STX3: variants seen among roughly 807,000 people sequenced by gnomAD.
The protein encoded by STX3 is syntaxin 3, also known as syntaxin-3.
STX3 carries 19 observed loss-of-function variants against 40.2 expected under a neutral mutation model. That is an observed-to-expected ratio of 0.47 (90% CI 0.33 to 0.69). STX3 has a LOEUF of 0.69. STX3 is among the 30% of genes least tolerant of loss of function. The pLI, the probability that STX3 is intolerant of heterozygous loss-of-function variation, is 0.02. For synonymous variants in STX3, 122 were observed against 132.2 expected (o/e 0.92, Z 0.53); for missense variants, 364 against 366.7 (o/e 0.99, Z 0.06).
In STX3 at chr11:59,805,182, A is replaced by C. The variant is rs1476987416; in HGVS notation, c.*4358A>C. On this transcript the variant is annotated 3_prime_UTR_variant, in exon 11 of 11. Coordinates refer to ENST00000337979, the MANE Select transcript of STX3 (RefSeq NM_004177.5). Reference sequence around the variant, plus strand: ...ACAAGAGCTAAATTCCATCTAAAAAAAAAAAAAAAACAAAAAAAAAAAACT... The same window carrying C: ...ACAAGAGCTAAATTCCATCTAAAAACAAAAAAAAAACAAAAAAAAAAAACT... 6.7e-6 allele frequency: 1 copy of C among 149,902 alleles called. No individual in the cohort carries two copies. The highest frequency in any genetic ancestry group is 1.5e-5 in the Non-Finnish European group (1 of 67,968). 9.3% of individuals were successfully genotyped at this position (149,902 alleles called of 1,614,324 possible).
At chr11:59,783,459 A>G (rs1287945135) in intron 2 of STX3, among the ~76,000 whole-genome samples, 7 of 152,230 alleles carry the variant, frequency 4.6e-5, no homozygotes, top group Non-Finnish European at 7.3e-5. Flanking sequence ...TGGTAGCCTC[A>G]TAGAAGTATT....
chr11:59,791,371 T>G (rs1231073872), intron 5 of STX3, among the ~76,000 whole-genome samples: 7 of 152,142 alleles, frequency 4.6e-5, no homozygotes, highest in Non-Finnish European at 1.0e-4. Context: ...GTCTGGGGAA[T>G]TTGGATCTGA....
At chr11:59,779,340 A>G (rs1864201065) in intron 2 of STX3, among the ~76,000 whole-genome samples, 1 of 152,178 alleles carries the variant, frequency 6.6e-6, no homozygotes, top group South Asian at 2.1e-4. Flanking sequence ...GTATCCTTAC[A>G]GGGTGGAAAG....
At chr11:59,799,485 GT>G (rs1369869203) in intron 10 of STX3, among the ~76,000 whole-genome samples, 1 of 152,044 alleles carries the variant, frequency 6.6e-6, no homozygotes, top group Non-Finnish European at 1.5e-5. Context: ...AATGTTGGAG[GT>G]TTATGTTATT....
intron 8 of STX3, among the ~76,000 whole-genome samples, chr11:59,794,180 T>C (rs543750350): frequency 6.6e-6 from 1 of 152,282 alleles, no homozygotes; most frequent in African/African-American, 2.4e-5. Flanking sequence ...AAAATAGCAT[T>C]GACAGAAAGA....
rs1862701551 is a variant in STX3 at position 59,756,099 on chromosome 11, C to T, written c.30+464C>T. Among the ~76,000 whole-genome samples the T allele has an allele frequency of 4.6e-5, 7 of 152,174 alleles. No homozygotes were observed. In the South Asian group the frequency reaches 1.2e-3, roughly 27 times the overall value. On this transcript the variant is annotated intron_variant, in intron 1 of 10. Transcript: ENST00000337979. ...GACCTCTGGAGCTGTGAGCCGGTCA[C>T]ATGCTGGGATGGGTCAGCTCCTCTC...
rs1266179461 is a variant in STX3, at chr11:59,768,273, G to C, written c.31-4938G>C. On this transcript the variant is annotated intron_variant, in intron 1 of 10. Coordinates refer to ENST00000337979, the MANE Select transcript of STX3 (RefSeq NM_004177.5). ...AGTTGATATCAACTTCAACTTTCTA[G>C]GTGCCCAGCCTTGTGTCAGGTGCCC... Among the ~76,000 whole-genome samples the C allele has an allele frequency of 4.6e-5, 7 of 152,088 alleles. No individual in the cohort carries two copies. In the East Asian group the frequency reaches 1.3e-3, roughly 29 times the overall value.
chr11:59,755,775 G>A (rs1862678739), intron 1 of STX3, 140 bp downstream of exon 1: 1 of 1,173,442 alleles, frequency 8.5e-7, no homozygotes, highest in Non-Finnish European at 1.1e-6. Flanking sequence ...TTCCCGCGCC[G>A]GTTCCGCACC....
chr11:59,757,747 C>CACTTA (rs60907559), intron 1 of STX3, among the ~76,000 whole-genome samples: 16,626 of 152,154 alleles, frequency 0.11, 1,248 homozygotes, highest in African/African-American at 0.2. Context: ...TTCTTTGCGT[C>CACTTA]ACTTCTCTGC....
chr11:59,800,663 T>C lies in STX3; in HGVS notation c.*31-192T>C, dbSNP rs896740814. 3.0e-6 allele frequency: 3 copies of C among 985,282 alleles called. No homozygotes were observed. The African/African-American group carries it at 5.2e-5, about 17-fold the overall frequency. The allele number at this position is 985,282 out of a possible 1,614,324, so 61.0% of individuals were successfully genotyped here. A position where few individuals can be genotyped will look rare whatever the true frequency, so the allele number is the denominator to read the frequency against. On this transcript the variant is annotated intron_variant, in intron 10 of 10. Coordinates refer to ENST00000337979, the MANE Select transcript of STX3 (RefSeq NM_004177.5). ...AGGCCTAGAGGCTTTTCTATTTTTT[T>C]CCCCTCTCACAGTAGGGCTTTTTGT...
In STX3 at chr11:59,787,124, A is replaced by G; in HGVS notation, c.202A>G (p.Ile68Val). Residue 68 changes from isoleucine to valine, a missense_variant, in exon 3 of 11, where the codon ATT (isoleucine) becomes GTT (valine). Coordinates refer to ENST00000337979, the MANE Select transcript of STX3 (RefSeq NM_004177.5). ...KLYSIILSAP[I>V]PEPKTKDDLE... is the part of the protein sequence containing the mutation. ...CTACAGTATCATTCTCTCTGCACCG[A>G]TTCCAGAGCCAAGTGAGTGTTTACT... 1 of 1,614,058 alleles carries G rather than the reference A, an allele frequency of 6.2e-7. No individual in the cohort carries two copies. Among genetic ancestry groups the G allele is most frequent in the Non-Finnish European group, 8.5e-7 (1 of 1,179,910 alleles).
intron 1 of STX3, among the ~76,000 whole-genome samples, chr11:59,763,978 A>G (rs1204496799): frequency 9.9e-5 from 15 of 152,102 alleles, no homozygotes; most frequent in Non-Finnish European, 2.1e-4. Context: ...AGATCAAGCC[A>G]TTGCACTCCA....
In STX3 at chr11:59,761,799, A is replaced by G. The variant is rs141899175; in HGVS notation, c.30+6164A>G. ...TATGTTCAGCTGTCTGGGTTAGGAC[A>G]GCTCAGTATGGCATCAGGGTTTTTT... On this transcript the variant is annotated intron_variant, in intron 1 of 10. Transcript: ENST00000337979. Among the ~76,000 whole-genome samples the G allele has an allele frequency of 1.3e-4, 20 of 151,368 alleles. No homozygotes were observed. In the East Asian group the frequency reaches 2.9e-3, roughly 22 times the overall value.
rs375795938 is a variant in STX3 at position 59,769,867 on chromosome 11, TG to T, written c.31-3336del. Among the ~76,000 whole-genome samples, 749 of 148,634 alleles carry T rather than the reference TG, an allele frequency of 5.0e-3. 3 individuals are homozygous for T. The highest frequency in any genetic ancestry group is 8.1e-3 in the Non-Finnish European group (542 of 66,962). ...GTGTGTGTGTATGTATGTGTTTGTG[TG>T]GGGGGGGAAGGTGTGTGGGTGTATG... On this transcript the variant is annotated intron_variant, in intron 1 of 10. Coordinates refer to ENST00000337979, the MANE Select transcript of STX3 (RefSeq NM_004177.5).
chr11:59,803,220 G>A lies in STX3; in HGVS notation c.*2396G>A. The A allele has an allele frequency of 8.1e-7, 1 of 1,231,696 alleles. No individual in the cohort carries two copies. The highest frequency in any genetic ancestry group is 1.0e-6 in the Non-Finnish European group (1 of 987,952). 76.3% of individuals were successfully genotyped at this position (1,231,696 alleles called of 1,614,324 possible). ...TCTTTCCTTGTCTGGATGAGCAGAAGAAGATCATGATCATGATCTGCTGTA... is the reference window on the plus strand; with the variant it reads ...TCTTTCCTTGTCTGGATGAGCAGAAAAAGATCATGATCATGATCTGCTGTA... On this transcript the variant is annotated 3_prime_UTR_variant, in exon 11 of 11. Coordinates refer to ENST00000337979, the MANE Select transcript of STX3 (RefSeq NM_004177.5).
rs1865910072 is a variant in STX3 at position 59,802,176 on chromosome 11, TC to T, written c.*1354del. ...ACACCAGAGGCTACACAGTAGCTCTTCCTGCTACTCGGTTAATGAGCTTGGC... is the reference window on the plus strand; with the variant it reads ...ACACCAGAGGCTACACAGTAGCTCTTCTGCTACTCGGTTAATGAGCTTGGC... On this transcript the variant is annotated 3_prime_UTR_variant, in exon 11 of 11. Coordinates refer to ENST00000337979, the MANE Select transcript of STX3 (RefSeq NM_004177.5). The T allele has an allele frequency of 2.0e-6, 2 of 985,320 alleles. No homozygotes were observed. Among genetic ancestry groups the T allele is most frequent in the African/African-American group, 1.7e-5 (1 of 57,232 alleles). 61.0% of individuals were successfully genotyped at this position (985,320 alleles called of 1,614,324 possible).
At chr11:59,797,548 C>G (rs17511545) in intron 10 of STX3, among the ~76,000 whole-genome samples, 152 bp downstream of exon 10, 6,925 of 152,272 alleles carry the variant, frequency 0.045, 204 homozygotes, top group African/African-American at 0.057. Context: ...TTCTTTATCT[C>G]CTTATAGTTC....
Position 59,803,289 on chromosome 11 carries a change from T to G in STX3, c.*2465T>G. 1 of 1,231,710 alleles carries G rather than the reference T, an allele frequency of 8.1e-7. No homozygotes were observed. Among genetic ancestry groups the G allele is most frequent in the Non-Finnish European group, 1.0e-6 (1 of 987,950 alleles). 76.3% of individuals were successfully genotyped at this position (1,231,710 alleles called of 1,614,324 possible). ...TAGCTTCCACCATTGGGAGCATATT[T>G]GCCTGAAAAAGGTGAGCCATCTGTG... is the stretch of plus-strand genomic sequence containing the variant. On this transcript the variant is annotated 3_prime_UTR_variant, in exon 11 of 11. Coordinates refer to ENST00000337979, the MANE Select transcript of STX3 (RefSeq NM_004177.5).
At chr11:59,787,458 T>C (rs963553395) in intron 3 of STX3, among the ~76,000 whole-genome samples, 1 of 152,182 alleles carries the variant, frequency 6.6e-6, no homozygotes, top group Non-Finnish European at 1.5e-5. Context: ...CCTCTGCGTG[T>C]ACTATTTCCC....
Sources: gnomAD v4.1 joint callset for allele counts (sites outside exome capture counted in the v4.1 genomes callset) on GRCh38, gnomAD v4.1.1 for gene constraint, MANE v1.5 for transcripts, NCBI Gene and HGNC (gene_info 2026-07-23, HGNC 2026-07-21) for gene names.